Variants in CUL1 observed in about 807,000 individuals in gnomAD.
The protein encoded by CUL1 is cullin 1, also known as cullin-1.
CUL1 carries 24 observed loss-of-function variants against 118.0 expected under a neutral mutation model. The ratio of observed to expected loss-of-function variants is 0.20; its 90% CI spans 0.15 to 0.29. CUL1 has a LOEUF of 0.29. Ranked by LOEUF, CUL1 falls within the 10% of genes least tolerant of loss-of-function variation. The probability of loss-of-function intolerance (pLI) is 1.00; values close to 1 mark genes in which losing one functional copy is unlikely to be tolerated. For missense variants in CUL1, 361 were observed against 933.8 expected, an observed-to-expected ratio of 0.39 and a Z score of 7.99; for synonymous variants, 332 against 340.4, an observed-to-expected ratio of 0.98 and a Z score of 0.27.
intron 7 of CUL1, among the ~76,000 whole-genome samples, chr7:148,762,583 T>A (rs17626232): frequency 0.046 from 6,989 of 152,338 alleles, 240 homozygotes; most frequent in Admixed American, 0.1. Context: ...TATTTCATTG[T>A]TTAATATGAC....
At chr7:148,763,624 G>T (rs1015792813) in intron 7 of CUL1, among the ~76,000 whole-genome samples, 4 of 152,118 alleles carry the variant, frequency 2.6e-5, no homozygotes, top group African/African-American at 9.7e-5. Flanking sequence ...TTAACATGAG[G>T]TATTTATTTG....
intron 1 of CUL1, among the ~76,000 whole-genome samples, chr7:148,717,344 C>T (rs1283180862): frequency 6.6e-6 from 1 of 152,120 alleles, no homozygotes; most frequent in Non-Finnish European, 1.5e-5. Flanking sequence ...GGCTACCATG[C>T]CCGGCCTTGT....
At chr7:148,768,881 C>T (rs186803849) in intron 9 of CUL1, among the ~76,000 whole-genome samples, 289 of 152,044 alleles carry the variant, frequency 1.9e-3, no homozygotes, top group African/African-American at 6.5e-3. Context: ...GACACTCAGC[C>T]GCCTCTATGA....
chr7:148,798,430 T>G, intron 19 of CUL1, 142 bp from the exon 20 acceptor site: 2 of 643,228 alleles, frequency 3.1e-6, no homozygotes, highest in Non-Finnish European at 5.5e-6. Flanking sequence ...AGAGGACATT[T>G]TCACGGAGAG....
chr7:148,720,824 G>A (rs973526646), intron 1 of CUL1, among the ~76,000 whole-genome samples: 2 of 152,170 alleles, frequency 1.3e-5, no homozygotes, highest in African/African-American at 4.8e-5. Flanking sequence ...CAACAGATCT[G>A]GTGGCTTGTT....
intron 2 of CUL1, among the ~76,000 whole-genome samples, chr7:148,747,013 A>G (rs536079367): frequency 8.5e-5 from 13 of 152,344 alleles, no homozygotes; most frequent in Non-Finnish European, 2.9e-5. Flanking sequence ...TTTGCTAGCT[A>G]AGTATTTGTA....
chr7:148,718,554 A>ATT (rs11440288), intron 1 of CUL1, among the ~76,000 whole-genome samples: 16 of 150,562 alleles, frequency 1.1e-4, no homozygotes, highest in South Asian at 6.3e-4. Flanking sequence ...TCAGTACTTG[A>ATT]TTTTTTTTTT....
intron 9 of CUL1, among the ~76,000 whole-genome samples, chr7:148,776,758 T>G (rs1247728657): frequency 6.6e-6 from 1 of 152,186 alleles, no homozygotes; most frequent in East Asian, 1.9e-4. Context: ...TAAATTGTAG[T>G]TTAAATAAGT....
chr7:148,707,850 T>G (rs28521791), intron 1 of CUL1, among the ~76,000 whole-genome samples: 28,831 of 152,202 alleles, frequency 0.19, 5,415 homozygotes, highest in African/African-American at 0.49. Context: ...AGATTGGTTC[T>G]CTTGCATTTC....
At chr7:148,716,053 C>T (rs1454330239) in intron 1 of CUL1, among the ~76,000 whole-genome samples, 1 of 152,180 alleles carries the variant, frequency 6.6e-6, no homozygotes, top group Non-Finnish European at 1.5e-5. Flanking sequence ...TATTTATTTA[C>T]AATTATATTG....
intron 9 of CUL1, among the ~76,000 whole-genome samples, chr7:148,774,187 TGTA>T (rs1273966303): frequency 1.3e-5 from 2 of 152,218 alleles, no homozygotes; most frequent in Non-Finnish European, 2.9e-5. Context: ...TCGAAATCGT[TGTA>T]GTCAGTACAG....
chr7:148,760,070 G>A (rs912806213), intron 6 of CUL1, among the ~76,000 whole-genome samples: 2 of 152,152 alleles, frequency 1.3e-5, no homozygotes, highest in Non-Finnish European at 2.9e-5. Flanking sequence ...AAATACAAAA[G>A]TTCTCTAAAG....
chr7:148,699,470 C>A (rs1219082412), intron 1 of CUL1, among the ~76,000 whole-genome samples: 3 of 152,148 alleles, frequency 2.0e-5, no homozygotes, highest in Non-Finnish European at 2.9e-5. Flanking sequence ...ACGCCGGGAC[C>A]CGTGCCCTTG....
At chr7:148,725,680 C>T (rs1798556766) in intron 1 of CUL1, among the ~76,000 whole-genome samples, 1 of 152,212 alleles carries the variant, frequency 6.6e-6, no homozygotes, top group East Asian at 1.9e-4. Context: ...TGTTGCTGCC[C>T]AGCATGTGTG....
intron 3 of CUL1, among the ~76,000 whole-genome samples, chr7:148,755,696 T>C (rs1799632961): frequency 6.6e-6 from 1 of 152,250 alleles, no homozygotes; most frequent in Admixed American, 6.5e-5. Context: ...AGTGATATTT[T>C]TGCATTTTAA....
chr7:148,755,098 GA>G (rs1265282510), intron 3 of CUL1, among the ~76,000 whole-genome samples: 1 of 152,184 alleles, frequency 6.6e-6, no homozygotes, highest in Admixed American at 6.5e-5. Flanking sequence ...TCGTGACTAC[GA>G]TGAGTTTCAC....
chr7:148,752,791 G>A (rs550258209), intron 2 of CUL1, among the ~76,000 whole-genome samples: 2 of 152,232 alleles, frequency 1.3e-5, no homozygotes, highest in South Asian at 2.1e-4. Flanking sequence ...TGGGACTACA[G>A]GCGCCTGCCA....
At chr7:148,783,682 C>A (rs1397981737) in intron 9 of CUL1, 101 bp from the exon 10 acceptor site, 1 of 1,572,728 alleles carries the variant, frequency 6.4e-7, no homozygotes, top group Non-Finnish European at 8.7e-7. Context: ...GTATCTATAG[C>A]TTTTAGAATA....
chr7:148,789,591 A>G (rs949193766), intron 14 of CUL1, among the ~76,000 whole-genome samples, 159 bp from the exon 15 acceptor site: 2 of 152,194 alleles, frequency 1.3e-5, no homozygotes, highest in African/African-American at 4.8e-5. Flanking sequence ...AATTGAATAA[A>G]ATGTTCAATT....
Sources: gnomAD v4.1 joint callset for allele counts (sites outside exome capture counted in the v4.1 genomes callset) on GRCh38, gnomAD v4.1.1 for gene constraint, MANE v1.5 for transcripts, NCBI Gene and HGNC (gene_info 2026-07-23, HGNC 2026-07-21) for gene names.